GPHN: variants seen among roughly 807,000 people sequenced by gnomAD.
The protein encoded by GPHN is gephyrin.
A neutral mutation model predicts 95.5 loss-of-function variants in GPHN; 17 were observed. The ratio of observed to expected loss-of-function variants is 0.18; its 90% CI spans 0.12 to 0.27. The LOEUF (loss-of-function observed/expected upper bound fraction) is 0.27. Ranked by LOEUF, GPHN falls within the 10% of genes least tolerant of loss-of-function variation. The pLI, the probability that GPHN is intolerant of heterozygous loss-of-function variation, is 1.00. For synonymous variants in GPHN, 320 were observed against 322.5 expected (o/e 0.99, Z 0.08); for missense variants, 660 against 978.1 (o/e 0.67, Z 4.34).
At chr14:66,611,320 G>T (rs577311951) in intron 1 of GPHN, among the ~76,000 whole-genome samples, 1 of 152,126 alleles carries the variant, frequency 6.6e-6, no homozygotes. Flanking sequence ...AAGGCCATTG[G>T]TAGTGGTGGT....
the GPHN span, chr14:67,578,153 T>C: frequency 6.2e-7 from 1 of 1,613,910 alleles, no homozygotes. The surrounding 1 kb of genome is among the most constrained non-coding windows in gnomAD (Gnocchi z 5.0). Context: ...TGCCAACTCA[T>C]GAAGCAGACC....
chr14:66,683,323 T>G (rs1480342193), intron 2 of GPHN, among the ~76,000 whole-genome samples: 7 of 99,890 alleles, frequency 7.0e-5, no homozygotes, highest in African/African-American at 3.0e-4. Context: ...AAATGCCCAA[T>G]GTGGAAATAT....
the GPHN span, among the ~76,000 whole-genome samples, chr14:67,192,867 T>C: frequency 6.9e-6 from 1 of 145,772 alleles, no homozygotes; most frequent in African/African-American, 2.5e-5. Context: ...CAGATATATA[T>C]AGATATATAG....
intron 1 of GPHN, among the ~76,000 whole-genome samples, chr14:66,627,054 G>A (rs2063552639): frequency 6.6e-6 from 1 of 151,766 alleles, no homozygotes; most frequent in East Asian, 1.9e-4. Flanking sequence ...ATTCTCATTT[G>A]GGGGAATAGA....
At chr14:67,343,497 A>C in the GPHN span, 2 of 1,143,600 alleles carry the variant, frequency 1.7e-6, no homozygotes, top group Non-Finnish European at 2.6e-6. Context: ...TTCCCTGATC[A>C]CTTGACTCCA....
chr14:67,084,839 A>G (rs1464646757), intron 11 of GPHN, among the ~76,000 whole-genome samples: 1 of 152,228 alleles, frequency 6.6e-6, no homozygotes. Context: ...CCAATGCAAC[A>G]TGATCTGCAA....
the GPHN span, chr14:67,321,078 A>C: frequency 6.2e-7 from 1 of 1,614,108 alleles, no homozygotes; most frequent in Non-Finnish European, 8.5e-7. Flanking sequence ...AGTAGGCGAG[A>C]CCAAGAAGTA....
chr14:66,959,059 T>C (rs774405786), intron 8 of GPHN, among the ~76,000 whole-genome samples: 7 of 152,148 alleles, frequency 4.6e-5, no homozygotes, highest in Non-Finnish European at 1.0e-4. Flanking sequence ...GTAGTTTGAA[T>C]TAATACCAAC....
chr14:67,712,448 T>C, the GPHN span, among the ~76,000 whole-genome samples: 1 of 123,924 alleles, frequency 8.1e-6, no homozygotes, highest in African/African-American at 2.9e-5. Context: ...GCAATAGCTA[T>C]TAATGAAGAA....
chr14:66,776,026 A>G (rs2059369983), intron 2 of GPHN, among the ~76,000 whole-genome samples: 1 of 152,188 alleles, frequency 6.6e-6, no homozygotes. Context: ...GTCATGGGGA[A>G]GGAAGGGCAG....
the GPHN span, chr14:67,557,504 C>G: frequency 7.8e-7 from 1 of 1,281,830 alleles, no homozygotes; most frequent in Admixed American, 2.1e-5. Context: ...TCCGCTCAAG[C>G]CCTCTAGTGC....
At chr14:66,805,097 T>C (rs1375838052) in intron 3 of GPHN, among the ~76,000 whole-genome samples, 1 of 152,148 alleles carries the variant, frequency 6.6e-6, no homozygotes, top group Non-Finnish European at 1.5e-5. Flanking sequence ...TTGTTGGACT[T>C]ACAGTTCCCC....
At position 67,070,715 on chromosome 14, in the gene GPHN, A is replaced by AATATATATATATATATATATAT. The variant is rs1555482658; in HGVS notation, c.1144+11943_1144+11944insATATATATATATATATATATAT. 1.9e-4 allele frequency among the ~76,000 whole-genome samples: 15 copies of AATATATATATATATATATATAT among 80,660 alleles called. No homozygotes were observed. The South Asian group carries it at 2.1e-3, about 11-fold the overall frequency. 52.9% of individuals were successfully genotyped at this position (80,660 alleles called of 152,430 possible). On this transcript the variant is annotated intron_variant, in intron 11 of 22. Transcript: ENST00000478722. ...ATCTCAAAAAAAAAAAAAAAAAAAA[A>AATATATATATATATATATATAT]ATATATATATATATCCAATCAGCAT...
At chr14:67,448,290 C>T in the GPHN span, among the ~76,000 whole-genome samples, 20 of 151,656 alleles carry the variant, frequency 1.3e-4, no homozygotes, top group Non-Finnish European at 2.9e-4. Context: ...AGGTGTGTGC[C>T]ACCATGCCTG....
intron 1 of GPHN, among the ~76,000 whole-genome samples, chr14:66,528,254 A>C (rs750171921): frequency 6.6e-6 from 1 of 152,132 alleles, no homozygotes; most frequent in Non-Finnish European, 1.5e-5. Context: ...TGTTGGCTTA[A>C]AGTCTGTTTT....
chr14:67,135,209 C>T (rs1450859366), intron 17 of GPHN, among the ~76,000 whole-genome samples: 2 of 152,110 alleles, frequency 1.3e-5, no homozygotes, highest in Non-Finnish European at 2.9e-5. Flanking sequence ...ATCCACCTGC[C>T]TTGGCCTCCC....
the GPHN span, among the ~76,000 whole-genome samples, chr14:67,552,576 G>T: frequency 2.0e-5 from 3 of 152,080 alleles, no homozygotes; most frequent in Non-Finnish European, 2.9e-5. Context: ...GACCATCTTG[G>T]CTAACACGGT....
chr14:66,795,922 C>T (rs894551514), intron 3 of GPHN, among the ~76,000 whole-genome samples: 6 of 152,036 alleles, frequency 3.9e-5, no homozygotes, highest in African/African-American at 1.4e-4. Context: ...CATACTAGGA[C>T]TTATTCATTC....
At chr14:67,071,678 C>T (rs2076316875) in intron 11 of GPHN, among the ~76,000 whole-genome samples, 1 of 151,696 alleles carries the variant, frequency 6.6e-6, no homozygotes, top group Non-Finnish European at 1.5e-5. Flanking sequence ...AGGCCTATAA[C>T]CTTGGCCTAA....
Sources: gnomAD v4.1 joint callset for allele counts (sites outside exome capture counted in the v4.1 genomes callset) on GRCh38, gnomAD v4.1.1 for gene constraint, Gnocchi (gnomAD v3.1) non-coding constraint, MANE v1.5 for transcripts, NCBI Gene and HGNC (gene_info 2026-07-23, HGNC 2026-07-21) for gene names.